The following ST3GAL1 variants were observed in gnomAD, a reference collection of about 807,000 sequenced individuals.
The protein encoded by ST3GAL1 is CMP-N-acetylneuraminate-beta-galactosamide-alpha-2,3-sialyltransferase 1.
In ST3GAL1, 16 loss-of-function variants were observed where a neutral mutation model predicts 34.1. The observed-to-expected ratio is 0.47, with a 90% CI of 0.32 to 0.71. The LOEUF is 0.71. ST3GAL1 is among the 30% of genes least tolerant of loss of function. The pLI is 0.04. For missense variants in ST3GAL1, 353 were observed against 447.4 expected (o/e 0.79, Z 1.90); for synonymous variants, 191 against 184.7 (o/e 1.03, Z -0.28).
intron 2 of ST3GAL1, among the ~76,000 whole-genome samples, chr8:133,531,281 T>C (rs1056278597): frequency 2.6e-5 from 4 of 152,168 alleles, no homozygotes; most frequent in East Asian, 1.9e-4. Flanking sequence ...ACACATATAG[T>C]ATATATACAT....
chr8:133,526,173 G>A (rs953952256), intron 2 of ST3GAL1, among the ~76,000 whole-genome samples: 1 of 152,196 alleles, frequency 6.6e-6, no homozygotes, highest in Non-Finnish European at 1.5e-5. Context: ...CAGGCTCCAG[G>A]CAGCCTGCGT....
chr8:133,487,314 G>C (rs1816645031), intron 3 of ST3GAL1, among the ~76,000 whole-genome samples: 1 of 149,730 alleles, frequency 6.7e-6, no homozygotes, highest in African/African-American at 2.5e-5. Context: ...TATATATAGT[G>C]CTTAGAACAA....
At position 133,481,430 on chromosome 8, in the gene ST3GAL1, C is replaced by T. The variant is rs7815143; in HGVS notation, c.-373-4830G>A. On this transcript the variant is annotated intron_variant, in intron 3 of 9. Coordinates refer to ENST00000522652, the MANE Select transcript of ST3GAL1 (RefSeq NM_173344.3). Reference sequence around the variant, plus strand: ...TGTCTCCCCTGTACTATGAGATCACCGTAAGCTTAACTTTTTAGCCTTTCT... The same window carrying T: ...TGTCTCCCCTGTACTATGAGATCACTGTAAGCTTAACTTTTTAGCCTTTCT... Among the ~76,000 whole-genome samples the T allele has an allele frequency of 7.0e-3, 1,059 of 152,220 alleles. 17 individuals carry two copies. The highest frequency in any genetic ancestry group is 0.024 in the African/African-American group (1,011 of 41,534).
chr8:133,470,220 G>A (rs1315563816), intron 5 of ST3GAL1, among the ~76,000 whole-genome samples: 2 of 152,188 alleles, frequency 1.3e-5, no homozygotes, highest in Non-Finnish European at 2.9e-5. Flanking sequence ...AGGAGTTTGA[G>A]ACCAGCCTGA....
At chr8:133,515,925 G>A (rs781554453) in intron 2 of ST3GAL1, among the ~76,000 whole-genome samples, 5 of 151,998 alleles carry the variant, frequency 3.3e-5, no homozygotes, top group South Asian at 2.1e-4. Context: ...GTGCGATCTC[G>A]GCTCACTGCA....
intron 1 of ST3GAL1, among the ~76,000 whole-genome samples, chr8:133,562,852 T>TTCTTTCTTTCTTTC (rs748884767): frequency 1.8e-5 from 1 of 56,918 alleles, no homozygotes; most frequent in Admixed American, 1.4e-4. Context: ...CTTTCTTTCT[T>TTCTTTCTTTCTTTC]TTTTTTTTTT....
intron 5 of ST3GAL1, 151 bp downstream of exon 5, chr8:133,475,567 AC>A: frequency 2.3e-6 from 2 of 882,068 alleles, no homozygotes; most frequent in South Asian, 3.8e-5. Flanking sequence ...AGAGCACCTC[AC>A]TCTCATTACC....
At chr8:133,492,483 G>A (rs1458071178) in intron 3 of ST3GAL1, among the ~76,000 whole-genome samples, 1 of 152,210 alleles carries the variant, frequency 6.6e-6, no homozygotes, top group Non-Finnish European at 1.5e-5. Context: ...CACTTTGGGA[G>A]GCTGCAGCAG....
intron 2 of ST3GAL1, among the ~76,000 whole-genome samples, chr8:133,501,724 G>C (rs774781374): frequency 6.7e-6 from 1 of 150,188 alleles, no homozygotes; most frequent in Admixed American, 6.7e-5. Flanking sequence ...GCTCCAACCT[G>C]GGTGACAAGA....
Position 133,544,843 on chromosome 8 carries a change from G to C in ST3GAL1, c.-429+931C>G, listed in dbSNP as rs1818633538. On this transcript the variant is annotated intron_variant, in intron 2 of 9. Transcript: ENST00000522652. ...AGAGTGAGACAGTGTGCACGACAGA[G>C]AGAGAGTCCTTGCCAATAATCATAT... Among the ~76,000 whole-genome samples, 3 of 152,212 alleles carry C rather than the reference G, an allele frequency of 2.0e-5. No homozygotes were observed. In the South Asian group the frequency reaches 6.2e-4, roughly 31 times the overall value.
intron 1 of ST3GAL1, among the ~76,000 whole-genome samples, chr8:133,557,815 G>C (rs1279051627): frequency 6.7e-6 from 1 of 149,754 alleles, no homozygotes; most frequent in African/African-American, 2.5e-5. Context: ...TGAGGCAGGA[G>C]AATTGCTTGA....
At chr8:133,506,373 C>A (rs1817337202) in intron 2 of ST3GAL1, among the ~76,000 whole-genome samples, 1 of 152,222 alleles carries the variant, frequency 6.6e-6, no homozygotes, top group African/African-American at 2.4e-5. Context: ...GTGGCAAGGG[C>A]TCCCTAAATA....
At chr8:133,491,854 T>C (rs545465488) in intron 3 of ST3GAL1, among the ~76,000 whole-genome samples, 16 of 152,206 alleles carry the variant, frequency 1.1e-4, no homozygotes, top group African/African-American at 3.9e-4. Flanking sequence ...TAAACTGCCC[T>C]GGCCCAGGCT....
Position 133,464,755 on chromosome 8 carries a change from G to A in ST3GAL1, c.683+23C>T, listed in dbSNP as rs371437974. On this transcript the variant is annotated intron_variant, in intron 7 of 9. Coordinates refer to ENST00000522652, the MANE Select transcript of ST3GAL1 (RefSeq NM_173344.3). ...CCACTGCAAGGGGCAGAGCAGCGAG[G>A]CGGGGCCACAGGAGGGACTCACTGG... 3.1e-6 allele frequency: 5 copies of A among 1,602,532 alleles called. No homozygotes were observed. The African/African-American group carries it at 5.4e-5, about 17-fold the overall frequency.
chr8:133,497,502 G>A (rs528255951), intron 3 of ST3GAL1, among the ~76,000 whole-genome samples: 2 of 105,154 alleles, frequency 1.9e-5, no homozygotes, highest in Non-Finnish European at 3.5e-5. Context: ...ACGGAGTCTC[G>A]CTCTTTTGCC....
chr8:133,498,283 G>A (rs1454400166), intron 3 of ST3GAL1, among the ~76,000 whole-genome samples: 1 of 152,228 alleles, frequency 6.6e-6, no homozygotes, highest in East Asian at 1.9e-4. Context: ...CAGGGACAGT[G>A]AGCTGTGAAA....
At chr8:133,496,700 C>T (rs182389122) in intron 3 of ST3GAL1, among the ~76,000 whole-genome samples, 25 of 152,280 alleles carry the variant, frequency 1.6e-4, no homozygotes, top group African/African-American at 4.8e-4. Flanking sequence ...GTTCCTAGAG[C>T]GCCTGGAGCC....
rs140446657 is a variant in ST3GAL1 at position 133,462,138 on chromosome 8, C to T, written c.730-144G>A. The T allele has an allele frequency of 2.4e-4, 298 of 1,237,574 alleles. No individual in the cohort carries two copies. The African/African-American group carries it at 3.9e-3, about 16-fold the overall frequency. 76.7% of individuals were successfully genotyped at this position (1,237,574 alleles called of 1,614,324 possible). A position where few individuals can be genotyped will look rare whatever the true frequency, so the allele number is the denominator to read the frequency against. Reference sequence around the variant, plus strand: ...GCCTGCACTTGTGGGCTTCCATGCTCGTAGGAAAGATGGACACTCATCCAC... The same window carrying T: ...GCCTGCACTTGTGGGCTTCCATGCTTGTAGGAAAGATGGACACTCATCCAC... On this transcript the variant is annotated intron_variant, in intron 8 of 9. Transcript: ENST00000522652.
intron 3 of ST3GAL1, among the ~76,000 whole-genome samples, chr8:133,481,824 C>T (rs924405523): frequency 6.6e-6 from 1 of 151,776 alleles, no homozygotes; most frequent in African/African-American, 2.4e-5. Context: ...CTGTTTTCTG[C>T]TTGGTTTCTT....
Sources: gnomAD v4.1 joint callset for allele counts (sites outside exome capture counted in the v4.1 genomes callset) on GRCh38, gnomAD v4.1.1 for gene constraint, MANE v1.5 for transcripts, NCBI Gene and HGNC (gene_info 2026-07-23, HGNC 2026-07-21) for gene names.